The following NRXN3 variants were observed in gnomAD, a reference collection of about 807,000 sequenced individuals.
NRXN3 encodes neurexin III.
Under a neutral mutation model 137.6 loss-of-function variants are expected in NRXN3, and 32 were observed. That is an observed-to-expected ratio of 0.23 (90% CI 0.18 to 0.31). The LOEUF (loss-of-function observed/expected upper bound fraction) is 0.31, where lower values mean the gene tolerates loss of function less well. Ranked by LOEUF, NRXN3 falls within the 10% of genes least tolerant of loss-of-function variation. NRXN3 has a pLI of 1.00. For missense variants in NRXN3, 1,574 were observed against 2,062.5 expected, an observed-to-expected ratio of 0.76 and a Z score of 4.59; for synonymous variants, 798 against 784.5, an observed-to-expected ratio of 1.02 and a Z score of -0.29.
intron 15 of NRXN3, among the ~76,000 whole-genome samples, chr14:79,445,520 T>C (rs2096048794): frequency 1.3e-5 from 2 of 152,128 alleles, no homozygotes; most frequent in South Asian, 4.1e-4. Flanking sequence ...GCAACAGTTG[T>C]AGAGAACACC....
intron 15 of NRXN3, among the ~76,000 whole-genome samples, chr14:79,330,358 G>T (rs546685960): frequency 1.3e-5 from 2 of 152,266 alleles, no homozygotes; most frequent in African/African-American, 4.8e-5. Flanking sequence ...TGATGTTGGG[G>T]CTGAGAGAAG....
intron 10 of NRXN3, among the ~76,000 whole-genome samples, chr14:78,920,574 G>A (rs1334945481): frequency 1.3e-5 from 2 of 152,050 alleles, no homozygotes; most frequent in Non-Finnish European, 1.5e-5. Flanking sequence ...AGTTAGCACA[G>A]ATCCCCCAGG....
chr14:79,409,192 TAAC>T (rs1048646603), intron 15 of NRXN3, among the ~76,000 whole-genome samples: 2 of 151,940 alleles, frequency 1.3e-5, no homozygotes, highest in African/African-American at 4.8e-5. Context: ...ATTTTTCAAT[TAAC>T]AAAGTAACAG....
intron 15 of NRXN3, among the ~76,000 whole-genome samples, chr14:79,229,754 G>A (rs529982453): frequency 1.3e-5 from 2 of 152,210 alleles, no homozygotes; most frequent in South Asian, 4.1e-4. Flanking sequence ...TCTTGTCCTC[G>A]TGCGTCTCTG....
At chr14:78,304,690 A>T (rs1472424353) in intron 4 of NRXN3, among the ~76,000 whole-genome samples, 1 of 152,214 alleles carries the variant, frequency 6.6e-6, no homozygotes, top group Non-Finnish European at 1.5e-5. Context: ...ACAGACCCAA[A>T]AGCCAGCAGG....
chr14:79,476,428 G>A (rs1200893287), intron 16 of NRXN3, among the ~76,000 whole-genome samples: 1 of 152,006 alleles, frequency 6.6e-6, no homozygotes, highest in Non-Finnish European at 1.5e-5. Context: ...CTGTTGATAC[G>A]ACCAAGCTAA....
At chr14:79,497,456 C>T (rs889304514) in intron 16 of NRXN3, among the ~76,000 whole-genome samples, 2 of 152,108 alleles carry the variant, frequency 1.3e-5, no homozygotes, top group African/African-American at 4.8e-5. Context: ...TGAAGACTTC[C>T]CTAGCTCATT....
chr14:78,918,649 A>AT (rs2099263166), intron 10 of NRXN3, among the ~76,000 whole-genome samples: 2 of 152,128 alleles, frequency 1.3e-5, no homozygotes, highest in African/African-American at 4.8e-5. Flanking sequence ...TCTTGATTTC[A>AT]TTTTCTACTT....
At chr14:79,024,371 C>T (rs2099594800) in intron 15 of NRXN3, among the ~76,000 whole-genome samples, 1 of 152,108 alleles carries the variant, frequency 6.6e-6, no homozygotes, top group East Asian at 1.9e-4. Flanking sequence ...AAATCAAATT[C>T]AGGTTTTTAA....
At chr14:79,173,480 G>A (rs1032768597) in intron 15 of NRXN3, among the ~76,000 whole-genome samples, 20 of 139,872 alleles carry the variant, frequency 1.4e-4, no homozygotes, top group Non-Finnish European at 2.4e-4. Flanking sequence ...ACAGTGGGCC[G>A]TGTTCATGCC....
intron 4 of NRXN3, among the ~76,000 whole-genome samples, chr14:78,325,599 G>A (rs2079970572): frequency 6.6e-6 from 1 of 151,968 alleles, no homozygotes; most frequent in African/African-American, 2.4e-5. Context: ...GTCTGTACCT[G>A]ATGGAATGGC....
At chr14:79,735,637 G>T (rs1259840717) in intron 19 of NRXN3, among the ~76,000 whole-genome samples, 6 of 152,144 alleles carry the variant, frequency 3.9e-5, no homozygotes, top group Admixed American at 3.9e-4. Context: ...TGTAAAGGGT[G>T]GTAGTGTATA....
At chr14:78,729,620 T>C (rs2098504860) in intron 8 of NRXN3, among the ~76,000 whole-genome samples, 1 of 152,204 alleles carries the variant, frequency 6.6e-6, no homozygotes, top group Admixed American at 6.5e-5. Flanking sequence ...CTCAAAACTT[T>C]TGGCTCATCA....
rs1210471287 is a variant in NRXN3 at position 78,929,993 on chromosome 14, T to TTTA, written c.2276-27233_2276-27231dup. 2.6e-5 allele frequency among the ~76,000 whole-genome samples: 4 copies of TTTA among 152,040 alleles called. No homozygotes were observed. In the South Asian group the frequency reaches 6.2e-4, roughly 24 times the overall value. On this transcript the variant is annotated intron_variant, in intron 10 of 20. Transcript: ENST00000335750. ...TGCAAGTTTTCAATAAATGTTAGCT[T>TTTA]TTATTATTATTATTATTAATGTCAG...
rs2098763981 is a variant in NRXN3, at chr14:78,780,214, AAACTAGTCAACCT to A, written c.2045-23404_2045-23392del. Among the ~76,000 whole-genome samples the A allele has an allele frequency of 2.6e-5, 4 of 152,234 alleles. No individual in the cohort carries two copies. The South Asian group carries it at 8.3e-4, about 31-fold the overall frequency. On this transcript the variant is annotated intron_variant, in intron 8 of 20. Transcript: ENST00000335750. ...CATTGAAAATCATTAGTTAATAAAC[AAACTAGTCAACCT>A]ATGATGCTGGAATAATTTCTTATCT...
At chr14:79,638,736 G>A (rs765353553) in intron 16 of NRXN3, among the ~76,000 whole-genome samples, 45 of 152,188 alleles carry the variant, frequency 3.0e-4, no homozygotes, top group Non-Finnish European at 5.7e-4. Context: ...AGTGGGAAAG[G>A]AACAGGATGG....
At chr14:78,778,777 T>C (rs906358484) in intron 8 of NRXN3, among the ~76,000 whole-genome samples, 1 of 117,842 alleles carries the variant, frequency 8.5e-6, no homozygotes, top group African/African-American at 3.9e-5. Flanking sequence ...TCTTTCTTTC[T>C]TTCTTTCTTT....
intron 4 of NRXN3, among the ~76,000 whole-genome samples, chr14:78,595,782 G>A (rs920349151): frequency 2.0e-5 from 3 of 152,124 alleles, no homozygotes; most frequent in African/African-American, 7.2e-5. Context: ...AAACTCCTAA[G>A]AAAGATGGAA....
At chr14:78,627,625 GTCC>G in intron 4 of NRXN3, among the ~76,000 whole-genome samples, 1 of 152,260 alleles carries the variant, frequency 6.6e-6, no homozygotes, top group Admixed American at 6.5e-5. Flanking sequence ...AATCAAAGTT[GTCC>G]CCTGTTAATA....
Sources: allele counts gnomAD v4.1 joint callset (sites outside exome capture counted in the v4.1 genomes callset), GRCh38; gene constraint gnomAD v4.1.1; transcripts MANE v1.5; gene names NCBI Gene and HGNC (gene_info 2026-07-23, HGNC 2026-07-21).